The following ANTXR1 variants were observed in gnomAD, a reference collection of about 807,000 sequenced individuals.
The protein encoded by ANTXR1 is ANTXR cell adhesion molecule 1, also known as anthrax toxin receptor 1.
ANTXR1 carries 19 observed loss-of-function variants against 78.1 expected under a neutral mutation model. That is an observed-to-expected ratio of 0.24 (90% CI 0.17 to 0.36). The LOEUF (loss-of-function observed/expected upper bound fraction) is 0.36. ANTXR1 is among the 10% of genes least tolerant of loss of function. ANTXR1 has a pLI of 1.00. For missense variants in ANTXR1, 518 were observed against 718.6 expected (o/e 0.72, Z 3.19); for synonymous variants, 273 against 260.5 (o/e 1.05, Z -0.46).
At chr2:69,074,715 T>G (rs1340394647) in intron 6 of ANTXR1, among the ~76,000 whole-genome samples, 1 of 152,216 alleles carries the variant, frequency 6.6e-6, no homozygotes, top group African/African-American at 2.4e-5. Context: ...TTTCTAGAAT[T>G]CAGTGTTAAA....
chr2:69,050,603 T>A (rs1669903835), intron 3 of ANTXR1, among the ~76,000 whole-genome samples: 1 of 151,914 alleles, frequency 6.6e-6, no homozygotes, highest in Admixed American at 6.5e-5. Context: ...TTGATATAAC[T>A]CAGAGGAAAA....
intron 1 of ANTXR1, among the ~76,000 whole-genome samples, chr2:69,021,001 A>G (rs1671173501): frequency 6.6e-6 from 1 of 152,242 alleles, no homozygotes. Context: ...GAGAAAAGTT[A>G]GAGGACTCTA....
intron 14 of ANTXR1, among the ~76,000 whole-genome samples, chr2:69,170,877 C>T (rs947552146): frequency 6.6e-6 from 1 of 152,180 alleles, no homozygotes; most frequent in African/African-American, 2.4e-5. Context: ...ACCACTGAAT[C>T]GGCCAGTAAA....
rs751078692 is a variant in ANTXR1, at chr2:69,245,780, C to T, written c.*295C>T. 6 of 346,446 alleles carry T rather than the reference C, an allele frequency of 1.7e-5. No individual in the cohort carries two copies. The highest frequency in any genetic ancestry group is 4.5e-5 in the Admixed American group (1 of 22,360). 21.5% of individuals were successfully genotyped at this position (346,446 alleles called of 1,614,324 possible). A position where few individuals can be genotyped will look rare whatever the true frequency, so the allele number is the denominator to read the frequency against. Reference sequence around the variant, plus strand: ...AGATGCTCTCAACAGGATTATGTCTCATGGAGACCAGTAAGAAAATCATTT... The same window carrying T: ...AGATGCTCTCAACAGGATTATGTCTTATGGAGACCAGTAAGAAAATCATTT... On this transcript the variant is annotated 3_prime_UTR_variant, in exon 18 of 18. Transcript: ENST00000303714.
chr2:69,076,452 A>G (rs1670734288), intron 7 of ANTXR1, among the ~76,000 whole-genome samples: 1 of 152,242 alleles, frequency 6.6e-6, no homozygotes, highest in East Asian at 1.9e-4. Flanking sequence ...AGCAATCTAA[A>G]TACATGTACC....
At chr2:69,183,406 A>G (rs192649786) in intron 16 of ANTXR1, among the ~76,000 whole-genome samples, 127 of 150,966 alleles carry the variant, frequency 8.4e-4, no homozygotes, top group Non-Finnish European at 1.5e-3. Context: ...TTTATTTTCT[A>G]TTTATTTATT....
intron 8 of ANTXR1, among the ~76,000 whole-genome samples, chr2:69,078,878 T>A (rs543655848): frequency 1.3e-5 from 2 of 152,186 alleles, no homozygotes; most frequent in Admixed American, 6.5e-5. Context: ...GAGAATTATG[T>A]TTGTAATACC....
chr2:69,087,456 C>G (rs1671089834), intron 8 of ANTXR1, among the ~76,000 whole-genome samples: 1 of 152,124 alleles, frequency 6.6e-6, no homozygotes, highest in African/African-American at 2.4e-5. Context: ...ATTCCAGATT[C>G]CAAGCAATTA....
chr2:69,179,316 G>C (rs957392567), intron 14 of ANTXR1, among the ~76,000 whole-genome samples: 10 of 152,146 alleles, frequency 6.6e-5, no homozygotes, highest in African/African-American at 9.7e-5. Context: ...GGAGGCTGAG[G>C]TGAGAGGATC....
At chr2:69,218,015 G>T (rs1038996361) in intron 17 of ANTXR1, among the ~76,000 whole-genome samples, 4 of 152,068 alleles carry the variant, frequency 2.6e-5, no homozygotes, top group Non-Finnish European at 4.4e-5. Flanking sequence ...GGTTCTTCAG[G>T]GTGTCTTCTA....
intron 14 of ANTXR1, chr2:69,172,340 A>G: frequency 6.2e-7 from 1 of 1,601,456 alleles, no homozygotes; most frequent in Non-Finnish European, 8.6e-7. Flanking sequence ...TAGGCCACCT[A>G]ATCTCCTTCC....
At chr2:69,190,164 G>A (rs769709959) in intron 16 of ANTXR1, among the ~76,000 whole-genome samples, 76 of 152,304 alleles carry the variant, frequency 5.0e-4, no homozygotes, top group Non-Finnish European at 8.8e-4. Flanking sequence ...AGAAGCTCGT[G>A]GCACAGAGAC....
chr2:69,195,218 A>T (rs1368834986), intron 17 of ANTXR1, among the ~76,000 whole-genome samples: 1 of 152,122 alleles, frequency 6.6e-6, no homozygotes, highest in Non-Finnish European at 1.5e-5. Context: ...TCAATGACAG[A>T]TATCCTTATG....
intron 1 of ANTXR1, among the ~76,000 whole-genome samples, chr2:69,033,048 C>T (rs536209172): frequency 2.0e-5 from 3 of 152,256 alleles, no homozygotes; most frequent in African/African-American, 7.2e-5. Context: ...CATTCTGCAG[C>T]TTAAAAATCA....
intron 17 of ANTXR1, among the ~76,000 whole-genome samples, chr2:69,206,076 A>G (rs963814053): frequency 6.6e-6 from 1 of 152,160 alleles, no homozygotes; most frequent in African/African-American, 2.4e-5. Flanking sequence ...ATCCACAGTG[A>G]TGACAGAGCT....
intron 10 of ANTXR1, among the ~76,000 whole-genome samples, chr2:69,104,329 C>T (rs1168192576): frequency 6.6e-6 from 1 of 152,194 alleles, no homozygotes; most frequent in East Asian, 1.9e-4. Flanking sequence ...ATAAAACCCA[C>T]TTTAGTAGTT....
intron 9 of ANTXR1, among the ~76,000 whole-genome samples, chr2:69,101,890 C>T (rs1671633409): frequency 6.6e-6 from 1 of 152,200 alleles, no homozygotes; most frequent in African/African-American, 2.4e-5. Flanking sequence ...CAAACTTAAG[C>T]AAATATTCCC....
intron 16 of ANTXR1, among the ~76,000 whole-genome samples, chr2:69,183,256 A>G (rs1327342413): frequency 1.3e-5 from 2 of 148,348 alleles, no homozygotes; most frequent in African/African-American, 5.3e-5. Context: ...TGGATCTAGG[A>G]CTCACTCTTT....
At chr2:69,129,476 G>T (rs750084606) in intron 12 of ANTXR1, among the ~76,000 whole-genome samples, 41 of 152,218 alleles carry the variant, frequency 2.7e-4, no homozygotes, top group Non-Finnish European at 4.9e-4. Context: ...ATAATAGGCC[G>T]GGCGTGGTGT....
Sources: gnomAD v4.1 joint callset for allele counts (sites outside exome capture counted in the v4.1 genomes callset) on GRCh38, gnomAD v4.1.1 for gene constraint, MANE v1.5 for transcripts, NCBI Gene and HGNC (gene_info 2026-07-23, HGNC 2026-07-21) for gene names.